The following GOLGA1 variants were observed in gnomAD, a reference collection of about 807,000 sequenced individuals.
GOLGA1 encodes the protein golgin A1, also known as golgin subfamily A member 1.
GOLGA1 carries 63 observed loss-of-function variants against 119.7 expected under a neutral mutation model. The observed-to-expected ratio is 0.53, with a 90% CI of 0.43 to 0.65. The LOEUF is 0.65. Among genes scored for constraint, GOLGA1 ranks in the 30% least tolerant of loss-of-function variants. The pLI, the probability that GOLGA1 is intolerant of heterozygous loss-of-function variation, is 0.00. For missense variants in GOLGA1, 798 were observed against 912.8 expected, an observed-to-expected ratio of 0.87 and a Z score of 1.62; for synonymous variants, 318 against 333.4, an observed-to-expected ratio of 0.95 and a Z score of 0.50.
chr9:124,928,454 G>A (rs1830713318), intron 5 of GOLGA1, among the ~76,000 whole-genome samples, 169 bp from the exon 6 acceptor site: 3 of 152,322 alleles, frequency 2.0e-5, no homozygotes, highest in Admixed American at 2.0e-4. Flanking sequence ...GAATATTTTG[G>A]CCTTGGTAAT....
chr9:124,891,599 A>G (rs1277743687), intron 15 of GOLGA1, among the ~76,000 whole-genome samples: 1 of 151,690 alleles, frequency 6.6e-6, no homozygotes, highest in Non-Finnish European at 1.5e-5. Context: ...AATCCACCTC[A>G]GGCTTCAGCA....
rs748772055 is a variant in GOLGA1 at position 124,898,618 on chromosome 9, G to A, written c.1338C>T (p.Ala446=). ...GMRQLEQENA[A]LKECRNEYER... is the part of the protein sequence containing the mutation. ...CATATTCATTCCTGCATTCTTTAAG[G>A]GCTGCATTTTCTTGCTCCAGTTGTC... The change falls in exon 15 of 23, where the codon GCC becomes GCT. Residue 446 remains alanine, a synonymous_variant. Coordinates refer to ENST00000373555, the MANE Select transcript of GOLGA1 (RefSeq NM_002077.4). The A allele has an allele frequency of 6.2e-7, 1 of 1,610,566 alleles. No homozygotes were observed. Among genetic ancestry groups the A allele is most frequent in the Non-Finnish European group, 8.5e-7 (1 of 1,177,120 alleles).
At chr9:124,923,853 C>T (rs1054538758) in intron 7 of GOLGA1, among the ~76,000 whole-genome samples, 4 of 151,944 alleles carry the variant, frequency 2.6e-5, no homozygotes, top group Non-Finnish European at 5.9e-5. Context: ...TCTACTCTTT[C>T]GTCGTTGTTG....
In GOLGA1 at chr9:124,899,353, G is replaced by C. The variant is rs1288450905; in HGVS notation, c.1287C>G (p.Asp429Glu). The C allele has an allele frequency of 1.9e-5, 29 of 1,549,424 alleles. No individual in the cohort carries two copies. Among genetic ancestry groups the C allele is most frequent in the Non-Finnish European group, 2.4e-5 (28 of 1,147,010 alleles). ...IVALERTRAA[D>E]QTTAEQGMRQ... ...CCATCCCTTGCTCTGCGGTGGTCTGGTCAGCTGCCCGCGTTCTCTCCAGGG... is the reference window on the plus strand; with the variant it reads ...CCATCCCTTGCTCTGCGGTGGTCTGCTCAGCTGCCCGCGTTCTCTCCAGGG... The change falls in exon 14 of 23, where the codon GAC (aspartate) becomes GAG (glutamate). Residue 429 changes from aspartate to glutamate, a missense_variant. Coordinates refer to ENST00000373555, the MANE Select transcript of GOLGA1 (RefSeq NM_002077.4).
chr9:124,918,291 A>G (rs1172965850), intron 10 of GOLGA1, among the ~76,000 whole-genome samples: 2 of 152,218 alleles, frequency 1.3e-5, no homozygotes, highest in Admixed American at 1.3e-4. Flanking sequence ...CAAAGGCAAG[A>G]ACTGTATCTA....
At chr9:124,895,914 C>A (rs1212116141) in intron 15 of GOLGA1, among the ~76,000 whole-genome samples, 1 of 146,040 alleles carries the variant, frequency 6.8e-6, no homozygotes, top group East Asian at 2.1e-4. Flanking sequence ...AGAGAACCAT[C>A]CACAACAGAG....
intron 7 of GOLGA1, among the ~76,000 whole-genome samples, chr9:124,924,387 T>A (rs1432538208): frequency 6.6e-6 from 1 of 152,146 alleles, no homozygotes; most frequent in African/African-American, 2.4e-5. Flanking sequence ...CCCAGCACTT[T>A]GGGAGGCCAA....
chr9:124,918,086 A>G (rs1445329658), intron 10 of GOLGA1, among the ~76,000 whole-genome samples: 1 of 152,094 alleles, frequency 6.6e-6, no homozygotes. Context: ...TCCCAACCTC[A>G]GGTGATCCAC....
intron 12 of GOLGA1, among the ~76,000 whole-genome samples, chr9:124,906,865 A>C (rs1161214014): frequency 6.6e-6 from 1 of 152,244 alleles, no homozygotes; most frequent in Non-Finnish European, 1.5e-5. Flanking sequence ...AAATTTTAAT[A>C]AAACACACAG....
chr9:124,887,080 G>C (rs1452309999), intron 19 of GOLGA1, among the ~76,000 whole-genome samples: 2 of 152,198 alleles, frequency 1.3e-5, no homozygotes, highest in African/African-American at 2.4e-5. Context: ...TCTGAGGAAA[G>C]GGAGAGAGGC....
At chr9:124,945,707 A>AC (rs1226957440), upstream of GOLGA1, 3 of 152,298 alleles carry the variant, frequency 2.0e-5, no homozygotes, top group African/African-American at 7.2e-5. Flanking sequence ...CATCATCCTG[A>AC]CACCCTTCCC....
chr9:124,932,036 T>C (rs1389691810), intron 3 of GOLGA1, among the ~76,000 whole-genome samples: 1 of 152,238 alleles, frequency 6.6e-6, no homozygotes, highest in African/African-American at 2.4e-5. Context: ...AAAATCTCTT[T>C]TACTTTTCAT....
intron 3 of GOLGA1, among the ~76,000 whole-genome samples, chr9:124,933,703 C>A (rs945074881): frequency 2.0e-5 from 3 of 152,180 alleles, no homozygotes; most frequent in African/African-American, 7.2e-5. Context: ...GTGTGAGCCA[C>A]CCTGCCTGGC....
intron 11 of GOLGA1, among the ~76,000 whole-genome samples, chr9:124,908,901 GGGTTTA>G (rs1455334248): frequency 1.3e-5 from 2 of 152,194 alleles, no homozygotes; most frequent in African/African-American, 4.8e-5. Context: ...AAATGATGAT[GGGTTTA>G]GGTCAAAAAA....
At chr9:124,885,395 G>A (rs985171282) in intron 19 of GOLGA1, among the ~76,000 whole-genome samples, 4 of 149,866 alleles carry the variant, frequency 2.7e-5, no homozygotes, top group Admixed American at 1.3e-4. Context: ...TGAGGCAACA[G>A]AATCGCTTGC....
chr9:124,935,738 G>A (rs1240445142), intron 3 of GOLGA1, among the ~76,000 whole-genome samples: 1 of 147,250 alleles, frequency 6.8e-6, no homozygotes, highest in Non-Finnish European at 1.5e-5. Flanking sequence ...GGTCCAGCCT[G>A]GGCGACACAG....
intron 15 of GOLGA1, 131 bp downstream of exon 15, chr9:124,898,418 C>A: frequency 1.6e-6 from 1 of 613,578 alleles, no homozygotes; most frequent in Non-Finnish European, 2.9e-6. Flanking sequence ...CTGGCCGATG[C>A]CTAACAGAAC....
intron 13 of GOLGA1, 39 bp from the exon 14 acceptor site, chr9:124,899,517 TG>T: frequency 6.5e-7 from 1 of 1,529,356 alleles, no homozygotes. Flanking sequence ...AGGGTGACAA[TG>T]GTTTCCAGTG....
upstream of GOLGA1, chr9:124,944,342 A>G (rs1483681630): frequency 1.3e-5 from 2 of 148,872 alleles, no homozygotes; most frequent in African/African-American, 2.5e-5. Flanking sequence ...TCTGTCACCC[A>G]GACTGGAGTG....
Sources: allele counts gnomAD v4.1 joint callset (sites outside exome capture counted in the v4.1 genomes callset), GRCh38; gene constraint gnomAD v4.1.1; transcripts MANE v1.5; gene names NCBI Gene and HGNC (gene_info 2026-07-23, HGNC 2026-07-21).